The following SLAMF9 variants were observed in gnomAD, a reference collection of about 807,000 sequenced individuals.
SLAMF9 encodes the protein CD2 family member 10.
A neutral mutation model predicts 30.4 loss-of-function variants in SLAMF9; 25 were observed. The observed-to-expected ratio is 0.82, with a 90% confidence interval of 0.60 to 1.15. The LOEUF is 1.15. Ranked by LOEUF, SLAMF9 falls within the 50% of genes most tolerant of loss-of-function variation. The pLI is 0.00. For synonymous variants in SLAMF9, 129 were observed against 127.2 expected (o/e 1.01, Z -0.09); for missense variants, 344 against 346.1 (o/e 0.99, Z 0.05).
the SLAMF9 span, among the ~76,000 whole-genome samples, chr1:159,976,281 T>G: frequency 6.6e-6 from 1 of 152,200 alleles, no homozygotes; most frequent in African/African-American, 2.4e-5. Flanking sequence ...AATGTAGCCA[T>G]GAGAAAGAAC....
In SLAMF9 at chr1:159,954,232, C is replaced by T; in HGVS notation, c.-95G>A. 1 of 1,423,612 alleles carries T rather than the reference C, an allele frequency of 7.0e-7. No homozygotes were observed. The highest frequency in any genetic ancestry group is 2.3e-5 in the East Asian group (1 of 42,736). 88.2% of individuals were successfully genotyped at this position (1,423,612 alleles called of 1,614,324 possible). A position where few individuals can be genotyped will look rare whatever the true frequency, so the allele number is the denominator to read the frequency against. On this transcript the variant is annotated 5_prime_UTR_variant, in exon 1 of 4. Coordinates refer to ENST00000368093, the MANE Select transcript of SLAMF9 (RefSeq NM_033438.4). ...TAGGAGGCTCCTAGACACAAAGAGCCTGACTGATGGTCCTGAGAAAAGGGA... is the reference window on the plus strand; with the variant it reads ...TAGGAGGCTCCTAGACACAAAGAGCTTGACTGATGGTCCTGAGAAAAGGGA...
At chr1:159,960,996 C>T in the SLAMF9 span, among the ~76,000 whole-genome samples, 1 of 152,166 alleles carries the variant, frequency 6.6e-6, no homozygotes, top group Non-Finnish European at 1.5e-5. Context: ...CTTTGGCTTT[C>T]CTCCCTTCCT....
the SLAMF9 span, among the ~76,000 whole-genome samples, chr1:159,980,177 G>A: frequency 9.2e-5 from 14 of 152,264 alleles, no homozygotes; most frequent in African/African-American, 3.4e-4. Flanking sequence ...CAATGATTCT[G>A]AACACACTCC....
In SLAMF9 at chr1:159,951,754, G is replaced by C. The variant is rs758816630; in HGVS notation, c.777C>G (p.Val259=). 2 of 1,613,974 alleles carry C rather than the reference G, an allele frequency of 1.2e-6. No individual in the cohort carries two copies. The change falls in exon 4 of 4, where the codon GTC becomes GTG. Residue 259 remains valine, a synonymous_variant. Transcript: ENST00000368093. ...TCCTTGGCATTTTGTGTCTTTTCTG[G>C]ACTCGGATGACCCAGAGTCCCATGG... is the stretch of plus-strand genomic sequence containing the variant. ...ILAMGLWVIR[V]QKRHKMPRMK...
chr1:159,964,697 C>T, the SLAMF9 span, among the ~76,000 whole-genome samples: 1 of 152,194 alleles, frequency 6.6e-6, no homozygotes, highest in Non-Finnish European at 1.5e-5. Context: ...GGCCAAAACT[C>T]GGGTCTCCCG....
the SLAMF9 span, among the ~76,000 whole-genome samples, chr1:159,972,168 C>T: frequency 1.3e-5 from 2 of 152,168 alleles, no homozygotes; most frequent in African/African-American, 2.4e-5. Context: ...CCAGCTCCTT[C>T]CACCTCTCTG....
At chr1:159,951,917 A>G in intron 3 of SLAMF9, 51 bp from the exon 4 acceptor site, 1 of 1,560,242 alleles carries the variant, frequency 6.4e-7, no homozygotes, top group Non-Finnish European at 8.8e-7. Flanking sequence ...GGTTGGGGTT[A>G]AGATTTGGGC....
chr1:159,973,060 C>CAT, the SLAMF9 span: 3 of 1,453,798 alleles, frequency 2.1e-6, no homozygotes, highest in Non-Finnish European at 2.7e-6. Context: ...GGGGCCGCCT[C>CAT]ACACCAGTAA....
At chr1:159,972,959 AG>A in the SLAMF9 span, 1 of 1,147,740 alleles carries the variant, frequency 8.7e-7, no homozygotes, top group Non-Finnish European at 1.2e-6. Flanking sequence ...CATGATGCCC[AG>A]ACCCCTGGGG....
At chr1:159,975,065 A>G in the SLAMF9 span, among the ~76,000 whole-genome samples, 10 of 151,722 alleles carry the variant, frequency 6.6e-5, no homozygotes, top group African/African-American at 2.4e-4. Flanking sequence ...AACATAGATA[A>G]CTCCCTGGGA....
the SLAMF9 span, chr1:159,973,057 C>T: frequency 6.9e-7 from 1 of 1,451,316 alleles, no homozygotes; most frequent in South Asian, 1.5e-5. Context: ...TCGGGGGCCG[C>T]CTCACACCAG....
At chr1:159,966,773 G>A in the SLAMF9 span, among the ~76,000 whole-genome samples, 1 of 152,120 alleles carries the variant, frequency 6.6e-6, no homozygotes, top group South Asian at 2.1e-4. Flanking sequence ...CTTTTGAGAA[G>A]TGTCTGTTCT....
chr1:159,974,851 T>C, the SLAMF9 span, among the ~76,000 whole-genome samples: 4 of 152,330 alleles, frequency 2.6e-5, no homozygotes, highest in East Asian at 7.7e-4. Context: ...AAGAGTTCCC[T>C]TCTCATTCCC....
upstream of SLAMF9, among the ~76,000 whole-genome samples, chr1:159,954,905 C>A (rs1651889584): frequency 6.6e-6 from 1 of 151,884 alleles, no homozygotes; most frequent in African/African-American, 2.4e-5. Context: ...ATGGTGAAAC[C>A]CCGTCTCTAC....
chr1:159,960,924 T>C, the SLAMF9 span, among the ~76,000 whole-genome samples: 1 of 152,308 alleles, frequency 6.6e-6, no homozygotes, highest in African/African-American at 2.4e-5. Flanking sequence ...TTCTCCCTGG[T>C]TCCTCAGAGG....
the SLAMF9 span, among the ~76,000 whole-genome samples, chr1:159,960,026 AT>A: frequency 4.0e-5 from 6 of 151,708 alleles, no homozygotes; most frequent in Non-Finnish European, 8.8e-5. Context: ...ATATATATAT[AT>A]ATTATACTTT....
the SLAMF9 span, among the ~76,000 whole-genome samples, chr1:159,961,012 C>G: frequency 6.6e-6 from 1 of 152,172 alleles, no homozygotes; most frequent in Non-Finnish European, 1.5e-5. Flanking sequence ...TTCCTTGTCT[C>G]ATTTTCCTCA....
the SLAMF9 span, among the ~76,000 whole-genome samples, chr1:159,982,151 A>T: frequency 6.6e-6 from 1 of 152,088 alleles, no homozygotes; most frequent in Admixed American, 6.5e-5. Flanking sequence ...TAAAGTCCAG[A>T]TCTGATCTTG....
chr1:159,964,536 G>A, the SLAMF9 span, among the ~76,000 whole-genome samples: 6 of 152,024 alleles, frequency 3.9e-5, no homozygotes, highest in African/African-American at 1.2e-4. Flanking sequence ...GTGTGCTCTC[G>A]CTAAAAGAAA....
Sources: gnomAD v4.1 joint callset for allele counts (sites outside exome capture counted in the v4.1 genomes callset) on GRCh38, gnomAD v4.1.1 for gene constraint, MANE v1.5 for transcripts, NCBI Gene and HGNC (gene_info 2026-07-23, HGNC 2026-07-21) for gene names.